Variants in RETREG1 observed in about 807,000 individuals in gnomAD.
RETREG1 encodes the protein family with sequence similarity 134 member B.
A neutral mutation model predicts 54.8 loss-of-function variants in RETREG1; 44 were observed. The observed-to-expected ratio is 0.80, with a 90% CI of 0.63 to 1.03. The LOEUF is 1.03. Ranked by LOEUF, RETREG1 falls within the 50% of genes least tolerant of loss-of-function variation. The probability of loss-of-function intolerance (pLI) is 0.00; values close to 1 mark genes in which losing one functional copy is unlikely to be tolerated. For synonymous variants in RETREG1, 217 were observed against 238.5 expected (o/e 0.91, Z 0.83); for missense variants, 554 against 605.1 (o/e 0.92, Z 0.89).
chr5:16,595,433 C>T (rs796865288), intron 1 of RETREG1, among the ~76,000 whole-genome samples: 10 of 152,152 alleles, frequency 6.6e-5, no homozygotes, highest in African/African-American at 2.4e-4. Context: ...ATATAACTAC[C>T]ATATTAAAGT....
At chr5:16,574,900 T>A (rs77617322) in intron 1 of RETREG1, among the ~76,000 whole-genome samples, 6,931 of 152,290 alleles carry the variant, frequency 0.046, 478 homozygotes, top group African/African-American at 0.15. Context: ...CAATCATTTG[T>A]TCCTCCACTA....
At chr5:16,522,447 T>A (rs1740565708) in intron 3 of RETREG1, among the ~76,000 whole-genome samples, 1 of 152,188 alleles carries the variant, frequency 6.6e-6, no homozygotes, top group South Asian at 2.1e-4. Context: ...AGGTGTCCAG[T>A]AAGTGGCTTC....
chr5:16,562,994 G>A (rs924652230), intron 3 of RETREG1, among the ~76,000 whole-genome samples: 3 of 152,168 alleles, frequency 2.0e-5, no homozygotes, highest in African/African-American at 7.2e-5. Context: ...GGATGGGGGG[G>A]ACTGTTTCCA....
At chr5:16,523,845 T>C (rs1236913364) in intron 3 of RETREG1, among the ~76,000 whole-genome samples, 1 of 152,206 alleles carries the variant, frequency 6.6e-6, no homozygotes, top group Non-Finnish European at 1.5e-5. Context: ...TGTTTTCACA[T>C]ACTTTGGGCG....
At chr5:16,570,923 C>T (rs574754894) in intron 2 of RETREG1, among the ~76,000 whole-genome samples, 2 of 152,298 alleles carry the variant, frequency 1.3e-5, no homozygotes, top group South Asian at 4.1e-4. Context: ...CTGAAATCCA[C>T]AGATTCACAG....
intron 1 of RETREG1, among the ~76,000 whole-genome samples, chr5:16,609,107 G>A (rs1003364372): frequency 6.6e-6 from 1 of 152,158 alleles, no homozygotes; most frequent in East Asian, 1.9e-4. Flanking sequence ...CACTTCACAT[G>A]CTCAACAGCC....
intron 1 of RETREG1, among the ~76,000 whole-genome samples, chr5:16,591,721 C>T (rs769371381): frequency 6.6e-6 from 1 of 152,192 alleles, no homozygotes; most frequent in Non-Finnish European, 1.5e-5. Flanking sequence ...CCTCCCTTAG[C>T]ACAGGCCCTA....
intron 1 of RETREG1, among the ~76,000 whole-genome samples, chr5:16,603,548 G>C (rs906763904): frequency 6.6e-6 from 1 of 152,138 alleles, no homozygotes; most frequent in African/African-American, 2.4e-5. Flanking sequence ...GTCCTGGTGG[G>C]AGAGCGGCTG....
In RETREG1 at chr5:16,616,727, C is replaced by A; in HGVS notation, c.245G>T (p.Arg82Leu). 1 of 1,583,128 alleles carries A rather than the reference C, an allele frequency of 6.3e-7. No individual in the cohort carries two copies. Residue 82 changes from arginine to leucine, a missense_variant, in exon 1 of 9, where the codon CGC becomes CTC. Coordinates refer to ENST00000306320, the MANE Select transcript of RETREG1 (RefSeq NM_001034850.3). ...CTTCCAGCTCAGCAGCTCGTCGGCG[C>A]GGCAGCCCAGCCACAGCACCGGCTC... ...LGEPVLWLGC[R>L]ADELLSWKRP...
At chr5:16,534,121 A>G (rs1740990139) in intron 3 of RETREG1, among the ~76,000 whole-genome samples, 1 of 151,944 alleles carries the variant, frequency 6.6e-6, no homozygotes, top group Admixed American at 6.6e-5. Context: ...CATTTTCCCT[A>G]CATCCACAAT....
intron 3 of RETREG1, among the ~76,000 whole-genome samples, chr5:16,562,551 G>C (rs1741885797): frequency 6.6e-6 from 1 of 152,144 alleles, no homozygotes; most frequent in Non-Finnish European, 1.5e-5. Flanking sequence ...TCCTGCTTAA[G>C]AGAACCAACT....
At chr5:16,547,738 T>C (rs1164475554) in intron 3 of RETREG1, among the ~76,000 whole-genome samples, 1 of 152,228 alleles carries the variant, frequency 6.6e-6, no homozygotes, top group Non-Finnish European at 1.5e-5. Flanking sequence ...TCTGAATATG[T>C]GAACACGCAC....
Position 16,475,105 on chromosome 5 carries a change from T to G in RETREG1, c.1130A>C (p.Lys377Thr), listed in dbSNP as rs895789647. 1 of 1,613,908 alleles carries G rather than the reference T, an allele frequency of 6.2e-7. No individual in the cohort carries two copies. The highest frequency in any genetic ancestry group is 8.5e-7 in the Non-Finnish European group (1 of 1,179,942). The change falls in exon 9 of 9, where the codon AAG becomes ACG. Residue 377 changes from lysine to threonine, a missense_variant. Physicochemically the swap from Lys to Thr is moderately conservative, Grantham distance 78. Transcript: ENST00000306320. ...TCTGTGACCACTGTCCAACTGTTCC[T>G]TCTTTCTCTTGAGCTCAGTGGGCAA... ...LGLPTELKRK[K>T]EQLDSGHRPS...
intron 6 of RETREG1, 39 bp from the exon 7 acceptor site, chr5:16,478,137 C>CTG: frequency 7.4e-7 from 1 of 1,347,006 alleles, no homozygotes; most frequent in Non-Finnish European, 1.1e-6. Context: ...AGTTTCCTAG[C>CTG]CAACTCAGAC....
chr5:16,478,812 A>C lies in RETREG1; in HGVS notation c.808+38T>G, dbSNP rs370570919. 2.2e-5 allele frequency: 35 copies of C among 1,594,764 alleles called. No individual in the cohort carries two copies. In the East Asian group the frequency reaches 2.7e-4, roughly 12 times the overall value. On this transcript the variant is annotated intron_variant, in intron 6 of 8. Transcript: ENST00000306320. ...CCTAAAAATAGCTCGCTAATGTCTCATTTCATGCATAGAATCTAAAATATA... is the reference window on the plus strand; with the variant it reads ...CCTAAAAATAGCTCGCTAATGTCTCCTTTCATGCATAGAATCTAAAATATA...
chr5:16,479,237 G>T (rs1031696410), intron 5 of RETREG1, among the ~76,000 whole-genome samples: 4 of 151,082 alleles, frequency 2.6e-5, no homozygotes, highest in African/African-American at 9.7e-5. Context: ...TTTCTGTAAG[G>T]TAAACATTTT....
chr5:16,489,865 G>A (rs1739178207), intron 3 of RETREG1, among the ~76,000 whole-genome samples: 1 of 152,164 alleles, frequency 6.6e-6, no homozygotes, highest in Non-Finnish European at 1.5e-5. Context: ...TATATGAGGA[G>A]AGCTTGTTAA....
intron 1 of RETREG1, among the ~76,000 whole-genome samples, chr5:16,590,916 C>CA (rs1468493646): frequency 2.0e-5 from 3 of 150,076 alleles, no homozygotes; most frequent in African/African-American, 7.4e-5. Context: ...CACAAAAAAA[C>CA]ACACACATGC....
chr5:16,479,874 A>T (rs978339797), intron 5 of RETREG1, among the ~76,000 whole-genome samples: 4 of 152,100 alleles, frequency 2.6e-5, no homozygotes, highest in Non-Finnish European at 4.4e-5. Context: ...ATATGGGGGT[A>T]TGTTAAGTGG....
Sources: allele counts gnomAD v4.1 joint callset (sites outside exome capture counted in the v4.1 genomes callset), GRCh38; gene constraint gnomAD v4.1.1; transcripts MANE v1.5; gene names NCBI Gene and HGNC (gene_info 2026-07-23, HGNC 2026-07-21).